Variants in CDH18 observed in about 807,000 individuals in gnomAD.
CDH18 encodes the protein cadherin 18, also known as cadherin-18.
A neutral mutation model predicts 67.9 loss-of-function variants in CDH18; 31 were observed. That is an observed-to-expected ratio of 0.46 (90% CI 0.34 to 0.62). The LOEUF is 0.62. Among genes scored for constraint, CDH18 ranks in the 20% least tolerant of loss-of-function variants. The pLI, the probability that CDH18 is intolerant of heterozygous loss-of-function variation, is 0.01. For synonymous variants in CDH18, 362 were observed against 347.2 expected, an observed-to-expected ratio of 1.04 and a Z score of -0.48; for missense variants, 890 against 975.5, an observed-to-expected ratio of 0.91 and a Z score of 1.17.
At chr5:19,712,762 G>A (rs907162508) in intron 5 of CDH18, among the ~76,000 whole-genome samples, 4 of 150,804 alleles carry the variant, frequency 2.7e-5, no homozygotes, top group African/African-American at 9.7e-5. Flanking sequence ...TATATATAGT[G>A]GTAAAAATTG....
At chr5:20,370,598 C>G (rs1347398990) in intron 1 of CDH18, among the ~76,000 whole-genome samples, 5 of 152,140 alleles carry the variant, frequency 3.3e-5, no homozygotes, top group Admixed American at 3.3e-4. Flanking sequence ...TGAAAAGACA[C>G]AGGTGAAATT....
chr5:19,979,010 T>G (rs566404370), intron 2 of CDH18, among the ~76,000 whole-genome samples: 10 of 152,278 alleles, frequency 6.6e-5, no homozygotes, highest in African/African-American at 2.2e-4. Context: ...CACGCAGCAC[T>G]TATACATTAA....
At chr5:19,549,388 C>G (rs985821932) in intron 8 of CDH18, among the ~76,000 whole-genome samples, 1 of 152,274 alleles carries the variant, frequency 6.6e-6, no homozygotes, top group Admixed American at 6.5e-5. Context: ...GATGCTGGCA[C>G]CATGCTTCCT....
At chr5:19,830,734 G>T (rs1374172129) in intron 3 of CDH18, among the ~76,000 whole-genome samples, 2 of 151,996 alleles carry the variant, frequency 1.3e-5, no homozygotes, top group Non-Finnish European at 2.9e-5. Flanking sequence ...ACACATATAC[G>T]CATATGTTTG....
chr5:20,384,813 C>A (rs769263289), intron 1 of CDH18, among the ~76,000 whole-genome samples: 1 of 151,976 alleles, frequency 6.6e-6, no homozygotes, highest in Non-Finnish European at 1.5e-5. Flanking sequence ...CCTTGTTTGA[C>A]TATATTAAGT....
intron 1 of CDH18, among the ~76,000 whole-genome samples, chr5:20,402,050 G>T (rs1386977634): frequency 2.0e-5 from 3 of 151,798 alleles, no homozygotes; most frequent in Admixed American, 2.0e-4. Flanking sequence ...CAAGCTTTCT[G>T]TTCCTAGAAT....
At chr5:20,130,066 A>ATTT (rs1172635397) in intron 2 of CDH18, among the ~76,000 whole-genome samples, 1 of 56,774 alleles carries the variant, frequency 1.8e-5, no homozygotes, top group Non-Finnish European at 5.2e-5. Flanking sequence ...CAATATTATT[A>ATTT]TTATTATTGT....
chr5:19,555,422 G>A (rs75970420), intron 8 of CDH18, among the ~76,000 whole-genome samples: 5,716 of 152,242 alleles, frequency 0.038, 156 homozygotes, highest in East Asian at 0.059. Flanking sequence ...TGGTGATGTT[G>A]GGTGGGACAT....
intron 2 of CDH18, among the ~76,000 whole-genome samples, chr5:20,166,453 AAGAAAAG>A (rs747187638): frequency 2.7e-5 from 3 of 112,476 alleles, no homozygotes; most frequent in East Asian, 2.7e-4. Flanking sequence ...AAAAAAAAAA[AAGAAAAG>A]AAAAGAAAAG....
chr5:19,746,428 T>A (rs1420298714), intron 4 of CDH18, among the ~76,000 whole-genome samples: 1 of 152,238 alleles, frequency 6.6e-6, no homozygotes, highest in Non-Finnish European at 1.5e-5. Flanking sequence ...TATTTTTAAA[T>A]AAATAAGGTA....
intron 3 of CDH18, among the ~76,000 whole-genome samples, chr5:19,808,346 G>A (rs1347622584): frequency 1.3e-5 from 2 of 151,092 alleles, no homozygotes; most frequent in Non-Finnish European, 2.9e-5. Flanking sequence ...AAAACTGAAT[G>A]TATTTGAAGG....
At position 20,133,358 on chromosome 5, in the gene CDH18, G is replaced by T. The variant is rs72743032; in HGVS notation, c.-518+122086C>A. Reference sequence around the variant, plus strand: ...ACAAGAGAGTGTGTGCGGATGAACTGCCCTTTATGAAACCATCAGCTTTCA... The same window carrying T: ...ACAAGAGAGTGTGTGCGGATGAACTTCCCTTTATGAAACCATCAGCTTTCA... On this transcript the variant is annotated intron_variant, in intron 2 of 14. Coordinates refer to the CDH18 transcript ENST00000507958. Among the ~76,000 whole-genome samples, 673 of 152,202 alleles carry T rather than the reference G, an allele frequency of 4.4e-3. 5 individuals are homozygous for T. Among genetic ancestry groups the T allele is most frequent in the South Asian group, 8.1e-3 (39 of 4,820 alleles).
At chr5:20,518,132 A>G (rs1218033122) in intron 1 of CDH18, among the ~76,000 whole-genome samples, 2 of 151,944 alleles carry the variant, frequency 1.3e-5, no homozygotes, top group East Asian at 1.9e-4. Context: ...TCCATCAGAT[A>G]TTTTTCTTGA....
chr5:19,682,633 C>T (rs1760500450), intron 5 of CDH18, among the ~76,000 whole-genome samples: 1 of 152,040 alleles, frequency 6.6e-6, no homozygotes, highest in South Asian at 2.1e-4. Flanking sequence ...CTCTTTCACT[C>T]TTTGTGAGTT....
At chr5:20,046,014 T>C (rs1413978197) in intron 2 of CDH18, among the ~76,000 whole-genome samples, 1 of 152,050 alleles carries the variant, frequency 6.6e-6, no homozygotes. Flanking sequence ...TTGATTTAGA[T>C]TTTTTAAAGG....
In CDH18 at chr5:20,456,931, C is replaced by T. The variant is rs181813405; in HGVS notation, c.-580+118531G>A. ...TCCAAGAATGTCGGGTTGACATTTA[C>T]GAAGTTGATTTGTCTTGACATTTAG... On this transcript the variant is annotated intron_variant, in intron 1 of 14. Coordinates refer to the CDH18 transcript ENST00000507958. Among the ~76,000 whole-genome samples the T allele has an allele frequency of 4.8e-3, 737 of 152,196 alleles. 9 individuals carry two copies. The highest frequency in any genetic ancestry group is 6.9e-3 in the Admixed American group (105 of 15,272).
chr5:19,709,100 T>C (rs746578729), intron 5 of CDH18, among the ~76,000 whole-genome samples: 5 of 152,152 alleles, frequency 3.3e-5, no homozygotes, highest in Non-Finnish European at 7.4e-5. Flanking sequence ...TCACTTGCCA[T>C]GGCAGTGGCT....
Position 20,396,044 on chromosome 5 carries a change from C to A in CDH18, c.-579-140539G>T, listed in dbSNP as rs139772963. 1.2e-4 allele frequency among the ~76,000 whole-genome samples: 19 copies of A among 152,244 alleles called. 1 individual carries two copies. In the East Asian group the frequency reaches 3.7e-3, roughly 29 times the overall value. On this transcript the variant is annotated intron_variant, in intron 1 of 14. Transcript: ENST00000507958. ...GATAAATAGTTACATATAAATAAGGCGTTTTCCTAAGTTCTGTGAGCCACT... is the reference window on the plus strand; with the variant it reads ...GATAAATAGTTACATATAAATAAGGAGTTTTCCTAAGTTCTGTGAGCCACT...
chr5:19,820,250 A>G (rs62355788), intron 3 of CDH18, among the ~76,000 whole-genome samples: 12,462 of 152,152 alleles, frequency 0.082, 530 homozygotes, highest in African/African-American at 0.1. Flanking sequence ...TCCCTAAGGC[A>G]GCCCTAGAGC....
Sources: allele counts gnomAD v4.1 joint callset (sites outside exome capture counted in the v4.1 genomes callset), GRCh38; gene constraint gnomAD v4.1.1; transcripts MANE v1.5; gene names NCBI Gene and HGNC (gene_info 2026-07-23, HGNC 2026-07-21).